C17orf113: variants seen among roughly 807,000 people sequenced by gnomAD.
C17orf113 encodes chromosome 17 open reading frame 113.
Under a neutral mutation model 11.6 loss-of-function variants are expected in C17orf113, and 5 were observed. The ratio of observed to expected loss-of-function variants is 0.43; its 90% confidence interval spans 0.23 to 0.91. C17orf113 has a LOEUF of 0.91. Ranked by LOEUF, C17orf113 falls within the 40% of genes least tolerant of loss-of-function variation. C17orf113 has a pLI of 0.26. For missense variants in C17orf113, 714 were observed against 841.3 expected (o/e 0.85, Z 1.87); for synonymous variants, 327 against 390.6 (o/e 0.84, Z 1.92).
In C17orf113 at chr17:42,040,048, G is replaced by A; in HGVS notation, c.1685C>T (p.Ala562Val). Residue 562 changes from alanine to valine, a missense_variant, in exon 3 of 3, where the codon GCG (alanine) becomes GTG (valine). Ala to Val is a moderately conservative substitution (Grantham distance 64, BLOSUM62 0). This residue lies in a region of C17orf113 where 194 missense variants were observed against 197.2 expected (regional missense o/e 0.98). Coordinates refer to ENST00000587304, the MANE Select transcript of C17orf113 (RefSeq NM_001358661.2). ...VVRQRALGDF[A>V]LFKRVVFGLG... ...GCCGAATACTACGCGCTTAAACAGC[G>A]CGAAGTCGCCCAGCGCCCGCTGGCG... 8.1e-7 allele frequency: 1 copy of A among 1,231,150 alleles called. No homozygotes were observed. The highest frequency in any genetic ancestry group is 1.0e-6 in the Non-Finnish European group (1 of 987,530). The allele number at this position is 1,231,150 out of a possible 1,614,324, so 76.3% of individuals were successfully genotyped here. A position where few individuals can be genotyped will look rare whatever the true frequency, so the allele number is the denominator to read the frequency against.
chr17:42,045,280 T>C (rs1481692464), intron 1 of C17orf113, among the ~76,000 whole-genome samples: 1 of 152,196 alleles, frequency 6.6e-6, no homozygotes, highest in African/African-American at 2.4e-5. Context: ...CTCGATCTCC[T>C]GACCTTGTGA....
At position 42,040,837 on chromosome 17, in the gene C17orf113, G is replaced by C; in HGVS notation, c.896C>G (p.Pro299Arg). The change falls in exon 3 of 3, where the codon CCT (proline) becomes CGT (arginine). Residue 299 changes from proline to arginine, a missense_variant. By Grantham distance (103) the Pro-to-Arg change is moderately radical (BLOSUM62 -2). Coordinates refer to ENST00000587304, the MANE Select transcript of C17orf113 (RefSeq NM_001358661.2). ...CGGGGGCTCAGGATCTGTCCGGCCA[G>C]GGAGACAATGCAGCTCTGCCAGCAG... ...CPLLAELHCL[P>R]GRTDPEPPAY... is the part of the protein sequence containing the mutation. The C allele has an allele frequency of 8.1e-7, 1 of 1,232,370 alleles. No homozygotes were observed. The highest frequency in any genetic ancestry group is 1.0e-6 in the Non-Finnish European group (1 of 988,094). The allele number at this position is 1,232,370 out of a possible 1,614,324, so 76.3% of individuals were successfully genotyped here. A position where few individuals can be genotyped will look rare whatever the true frequency, so the allele number is the denominator to read the frequency against.
Position 42,038,233 on chromosome 17 carries a change from G to T in C17orf113, c.*1472C>A. On this transcript the variant is annotated 3_prime_UTR_variant, in exon 3 of 3. Transcript: ENST00000587304. ...ACACACACCACCATGGAGACTGCAT[G>T]ATGTGCTGGGATTCCATTTTATTGC... 7.0e-6 allele frequency: 4 copies of T among 568,380 alleles called. No individual in the cohort carries two copies. The highest frequency in any genetic ancestry group is 4.6e-4 in the Middle Eastern group (1 of 2,172). The allele number at this position is 568,380 out of a possible 1,614,324, so 35.2% of individuals were successfully genotyped here. A position where few individuals can be genotyped will look rare whatever the true frequency, so the allele number is the denominator to read the frequency against.
In C17orf113 at chr17:42,047,804, C is replaced by T. The variant is rs376835851; in HGVS notation, c.-188+2753G>A. Among the ~76,000 whole-genome samples the T allele has an allele frequency of 5.9e-5, 9 of 152,050 alleles. No individual in the cohort carries two copies. In the South Asian group the frequency reaches 8.3e-4, roughly 14 times the overall value. The stretch of plus-strand genomic sequence containing the variant: ...GAGTAGCTGGGATTACAGGCGCGCA[C>T]CACCATGCCCAGCTAATTTTTTGTA... On this transcript the variant is annotated intron_variant, in intron 1 of 2. Transcript: ENST00000587304.
chr17:42,041,566 A>G (rs1555656133), intron 2 of C17orf113, among the ~76,000 whole-genome samples: 1 of 152,204 alleles, frequency 6.6e-6, no homozygotes, highest in Non-Finnish European at 1.5e-5. Context: ...TATGAATCAT[A>G]AAGAGCTCTA....
intron 2 of C17orf113, among the ~76,000 whole-genome samples, chr17:42,041,518 A>G (rs1377786206): frequency 1.3e-5 from 2 of 152,128 alleles, no homozygotes; most frequent in Non-Finnish European, 2.9e-5. Flanking sequence ...GCTTGTTGTG[A>G]ATTATAAACA....
At position 42,040,276 on chromosome 17, in the gene C17orf113, C is replaced by T. The variant is rs1420534691; in HGVS notation, c.1457G>A (p.Gly486Asp). 1.4e-5 allele frequency: 17 copies of T among 1,231,298 alleles called. No individual in the cohort carries two copies. The East Asian group carries it at 2.8e-4, about 21-fold the overall frequency. 76.3% of individuals were successfully genotyped at this position (1,231,298 alleles called of 1,614,324 possible). ...LLGYSEAAVRGLEWLRGSFLD... is the reference protein window; with the variant it reads ...LLGYSEAAVRDLEWLRGSFLD... Reference sequence around the variant, plus strand: ...GAAGGATCCCCGGAGCCACTCCAAGCCCCGGACCGCAGCCTCGGAGTAACC... The same window carrying T: ...GAAGGATCCCCGGAGCCACTCCAAGTCCCGGACCGCAGCCTCGGAGTAACC... Residue 486 changes from glycine to aspartate, a missense_variant, in exon 3 of 3, where the codon GGC becomes GAC. Coordinates refer to ENST00000587304, the MANE Select transcript of C17orf113 (RefSeq NM_001358661.2).
At chr17:42,044,431 A>G (rs376268559) in intron 1 of C17orf113, among the ~76,000 whole-genome samples, 7 of 152,032 alleles carry the variant, frequency 4.6e-5, no homozygotes, top group African/African-American at 1.7e-4. Context: ...AGCCTGACCA[A>G]CATGGAGAAA....
chr17:42,046,825 T>G (rs1555656658), intron 1 of C17orf113, among the ~76,000 whole-genome samples: 1 of 150,856 alleles, frequency 6.6e-6, no homozygotes, highest in African/African-American at 2.4e-5. Context: ...GAAAGAACTC[T>G]TGTTTCTGAG....
chr17:42,039,044 A>T lies in C17orf113; in HGVS notation c.*661T>A, dbSNP rs2052936684. 1.3e-5 allele frequency: 2 copies of T among 152,172 alleles called. No individual in the cohort carries two copies. Among genetic ancestry groups the T allele is most frequent in the Admixed American group, 1.3e-4 (2 of 15,272 alleles). The allele number at this position is 152,172 out of a possible 1,614,324, so 9.4% of individuals were successfully genotyped here. On this transcript the variant is annotated 3_prime_UTR_variant, in exon 3 of 3. Coordinates refer to ENST00000587304, the MANE Select transcript of C17orf113 (RefSeq NM_001358661.2). Reference sequence around the variant, plus strand: ...GGCAGGTGGATCACTTGAGGTCAGGAGTTCGAGACCAGCCTGGCCAACATG... The same window carrying T: ...GGCAGGTGGATCACTTGAGGTCAGGTGTTCGAGACCAGCCTGGCCAACATG...
chr17:42,042,948 C>T lies in C17orf113; in HGVS notation c.429G>A (p.Val143=), dbSNP rs1171118023. The stretch of plus-strand genomic sequence containing the variant: ...GCAGGGCAGAGCAGCGGTCATTGGG[C>T]ACATCCTCCTTTGCCATGCAGTACA... The part of the protein sequence containing the change: ...TTVYCMAKED[V]PNDRCSALLE... The change falls in exon 2 of 3, where the codon GTG becomes GTA. Residue 143 remains valine, a synonymous_variant. Transcript: ENST00000587304. 28 of 1,232,374 alleles carry T rather than the reference C, an allele frequency of 2.3e-5. No individual in the cohort carries two copies. The highest frequency in any genetic ancestry group is 2.6e-5 in the Non-Finnish European group (26 of 988,226). 76.3% of individuals were successfully genotyped at this position (1,232,374 alleles called of 1,614,324 possible).
chr17:42,048,177 C>T (rs1446676552), intron 1 of C17orf113, among the ~76,000 whole-genome samples: 2 of 152,094 alleles, frequency 1.3e-5, no homozygotes, highest in Non-Finnish European at 2.9e-5. Flanking sequence ...GCCTGGGCAC[C>T]ACACCACTCC....
At chr17:42,046,288 T>C (rs1182364160) in intron 1 of C17orf113, among the ~76,000 whole-genome samples, 6 of 152,074 alleles carry the variant, frequency 3.9e-5, no homozygotes, top group East Asian at 1.9e-4. Context: ...TCAGTAAAAG[T>C]TGGTTGTTTA....
intron 1 of C17orf113, among the ~76,000 whole-genome samples, chr17:42,045,805 C>T (rs2053147936): frequency 6.6e-6 from 1 of 152,192 alleles, no homozygotes; most frequent in Non-Finnish European, 1.5e-5. Context: ...TGTGTCACTC[C>T]CTAGTTTCCA....
At chr17:42,042,468 G>A (rs2053047506) in intron 2 of C17orf113, among the ~76,000 whole-genome samples, 2 of 152,002 alleles carry the variant, frequency 1.3e-5, no homozygotes, top group South Asian at 4.1e-4. Flanking sequence ...GTTGCAGTGA[G>A]CTGAGATCAC....
Position 42,043,409 on chromosome 17 carries a change from C to T in C17orf113, c.-33G>A, listed in dbSNP as rs782819894. The T allele has an allele frequency of 1.7e-5, 21 of 1,231,484 alleles. No homozygotes were observed. The highest frequency in any genetic ancestry group is 1.9e-5 in the Non-Finnish European group (19 of 987,694). 76.3% of individuals were successfully genotyped at this position (1,231,484 alleles called of 1,614,324 possible). A position where few individuals can be genotyped will look rare whatever the true frequency, so the allele number is the denominator to read the frequency against. ...CTCTCAGCAAGGAACCCCCAACCCCCACCTGAATGCTCTTGCCCCCCTGCC... is the reference window on the plus strand; with the variant it reads ...CTCTCAGCAAGGAACCCCCAACCCCTACCTGAATGCTCTTGCCCCCCTGCC... On this transcript the variant is annotated 5_prime_UTR_variant, in exon 2 of 3. Transcript: ENST00000587304.
Position 42,042,911 on chromosome 17 carries a change from T to A in C17orf113, c.466A>T (p.Arg156Trp), listed in dbSNP as rs782637661. The A allele has an allele frequency of 4.1e-6, 5 of 1,232,262 alleles. No homozygotes were observed. The Admixed American group carries it at 2.1e-4, about 52-fold the overall frequency. 76.3% of individuals were successfully genotyped at this position (1,232,262 alleles called of 1,614,324 possible). The stretch of plus-strand genomic sequence containing the variant: ...AGCAGTGCCTGGCACAGGTTGAACC[T>A]CTGCAGCTCGAGCAGGGCAGAGCAG... The part of the protein sequence containing the change: ...DRCSALLELQ[R>W]FNLCQALLGT... Residue 156 changes from arginine to tryptophan, a missense_variant, in exon 2 of 3, where the codon AGG becomes TGG. Coordinates refer to ENST00000587304, the MANE Select transcript of C17orf113 (RefSeq NM_001358661.2).
At chr17:42,047,261 T>C (rs2143719827) in intron 1 of C17orf113, among the ~76,000 whole-genome samples, 2 of 152,258 alleles carry the variant, frequency 1.3e-5, no homozygotes, top group South Asian at 4.1e-4. Context: ...CTTGATCTCC[T>C]GACCTCGTGA....
rs1304328570 is a variant in C17orf113 at position 42,039,752 on chromosome 17, A to G, written c.1981T>C (p.Leu661=). 43 of 1,232,418 alleles carry G rather than the reference A, an allele frequency of 3.5e-5. No homozygotes were observed. The highest frequency in any genetic ancestry group is 4.4e-5 in the Non-Finnish European group (43 of 988,150). The allele number at this position is 1,232,418 out of a possible 1,614,324, so 76.3% of individuals were successfully genotyped here. ...EFDFGLAVEF[L]ESGWGEGFLG... ...AAGCCCTCTCCCCACCCACTCTCTA[A>G]GAACTCCACAGCCAACCCGAAGTCA... is the stretch of plus-strand genomic sequence containing the variant. Residue 661 remains leucine, a synonymous_variant, in exon 3 of 3, where the codon TTA becomes CTA. Coordinates refer to ENST00000587304, the MANE Select transcript of C17orf113 (RefSeq NM_001358661.2).
Sources: gnomAD v4.1 joint callset for allele counts (sites outside exome capture counted in the v4.1 genomes callset) on GRCh38, gnomAD v4.1.1 for gene constraint, gnomAD v4.1.1 regional missense constraint, MANE v1.5 for transcripts, NCBI Gene and HGNC (gene_info 2026-07-23, HGNC 2026-07-21) for gene names.